Variants in SNX2 observed in about 807,000 individuals in gnomAD.
SNX2 encodes sorting nexin-2.
A neutral mutation model predicts 69.9 loss-of-function variants in SNX2; 25 were observed. That is an observed-to-expected ratio of 0.36 (90% CI 0.26 to 0.50). The LOEUF is 0.50. SNX2 is among the 20% of genes least tolerant of loss of function. The pLI is 0.97. For synonymous variants in SNX2, 229 were observed against 200.4 expected (o/e 1.14, Z -1.20); for missense variants, 551 against 613.3 (o/e 0.90, Z 1.07).
rs746637244 is a variant in SNX2 at position 122,795,374 on chromosome 5, C to A, written c.217C>A (p.Leu73Ile). The A allele has an allele frequency of 6.2e-7, 1 of 1,604,232 alleles. No individual in the cohort carries two copies. Among genetic ancestry groups the A allele is most frequent in the Non-Finnish European group, 8.5e-7 (1 of 1,171,736 alleles). ...EVVLDDDRED[L>I]FAEATEEVSL... ...TGTATTAGATGATGACAGAGAAGAT[C>A]TTTTTGCAGGTAATTGTCATGTATT... Residue 73 changes from leucine (L) to isoleucine (I), a missense_variant, in exon 2 of 15, where the codon CTT (leucine) becomes ATT (isoleucine). By Grantham distance (5) the Leu-to-Ile change is conservative. Transcript: ENST00000379516.
At chr5:122,799,637 A>G (rs1753462877) in intron 2 of SNX2, 55 bp from the exon 3 acceptor site, 1 of 1,287,116 alleles carries the variant, frequency 7.8e-7, no homozygotes, top group Non-Finnish European at 1.1e-6. Flanking sequence ...GCTATGTAGA[A>G]TATTGGGGGT....
At chr5:122,802,464 T>C (rs182764678) in intron 5 of SNX2, among the ~76,000 whole-genome samples, 129 of 152,286 alleles carry the variant, frequency 8.5e-4, no homozygotes, top group African/African-American at 3.0e-3. Flanking sequence ...CTTTCTAGAA[T>C]CTCCAAGAAG....
intron 1 of SNX2, among the ~76,000 whole-genome samples, chr5:122,787,522 C>T (rs60185942): frequency 6.8e-6 from 1 of 146,492 alleles, no homozygotes; most frequent in African/African-American, 2.5e-5. Context: ...TGTCCCCCCC[C>T]AAAAAAAAAA....
chr5:122,775,201 C>T lies in SNX2; in HGVS notation c.98C>T (p.Ser33Phe). Residue 33 changes from serine to phenylalanine, a missense_variant, in exon 1 of 15, where the codon TCC becomes TTC. Physicochemically the swap from Ser to Phe is radical, Grantham distance 155. Coordinates refer to ENST00000379516, the MANE Select transcript of SNX2 (RefSeq NM_003100.4). ...GAGGACCTGTTCACCAGCACTGTCT[C>T]CACCCTAGAGGTGAGACCGCGTCGC... ...DGEDLFTSTV[S>F]TLESSPSSPE... The T allele has an allele frequency of 1.3e-6, 2 of 1,578,804 alleles. No individual in the cohort carries two copies. Among genetic ancestry groups the T allele is most frequent in the Non-Finnish European group, 1.7e-6 (2 of 1,163,712 alleles).
intron 1 of SNX2, among the ~76,000 whole-genome samples, chr5:122,780,798 G>C (rs1011291687): frequency 2.0e-5 from 3 of 152,182 alleles, no homozygotes; most frequent in Non-Finnish European, 4.4e-5. Flanking sequence ...TCGAACTCCT[G>C]ACCTTGTGAT....
At position 122,778,591 on chromosome 5, in the gene SNX2, C is replaced by A. The variant is rs147945961; in HGVS notation, c.108+3380C>A. Among the ~76,000 whole-genome samples the A allele has an allele frequency of 5.0e-3, 763 of 152,268 alleles. 1 individual carries two copies. The highest frequency in any genetic ancestry group is 5.9e-3 in the Non-Finnish European group (404 of 68,008). On this transcript the variant is annotated intron_variant, in intron 1 of 14. Coordinates refer to ENST00000379516, the MANE Select transcript of SNX2 (RefSeq NM_003100.4). ...TGGTTTGATCTTGGCTCACTGCAGTCTCCACCTCCCAGGTTCAAGCAGTTC... is the reference window on the plus strand; with the variant it reads ...TGGTTTGATCTTGGCTCACTGCAGTATCCACCTCCCAGGTTCAAGCAGTTC...
rs2150021618 is a variant in SNX2, at chr5:122,834,530, A to C, written c.*4882A>C. 6.6e-6 allele frequency: 1 copy of C among 152,358 alleles called. No homozygotes were observed. Among genetic ancestry groups the C allele is most frequent in the East Asian group, 1.9e-4 (1 of 5,190 alleles). The allele number at this position is 152,358 out of a possible 1,614,324, so 9.4% of individuals were successfully genotyped here. Reference sequence around the variant, plus strand: ...AACTTTAATAAAAACTAAGTCAGACAAAATTTAACAAAACTAAATTGCCTT... The same window carrying C: ...AACTTTAATAAAAACTAAGTCAGACCAAATTTAACAAAACTAAATTGCCTT... On this transcript the variant is annotated 3_prime_UTR_variant, in exon 15 of 15. Coordinates refer to ENST00000379516, the MANE Select transcript of SNX2 (RefSeq NM_003100.4).
intron 7 of SNX2, among the ~76,000 whole-genome samples, chr5:122,813,818 G>T (rs559871208): frequency 3.6e-4 from 51 of 141,044 alleles, no homozygotes; most frequent in Admixed American, 1.7e-3. Flanking sequence ...CTGTCACCCA[G>T]GCTAGAGTGC....
intron 1 of SNX2, among the ~76,000 whole-genome samples, chr5:122,778,222 G>A (rs1359685112): frequency 2.0e-5 from 3 of 152,134 alleles, no homozygotes; most frequent in Non-Finnish European, 4.4e-5. Flanking sequence ...TCATTCATCT[G>A]TTGGTGGATA....
intron 14 of SNX2, 160 bp downstream of exon 14, chr5:122,827,806 G>C: frequency 1.8e-6 from 1 of 571,202 alleles, no homozygotes. Context: ...AAACTAATCG[G>C]AAACTATCTC....
At chr5:122,786,493 A>G (rs982294946) in intron 1 of SNX2, among the ~76,000 whole-genome samples, 1 of 151,982 alleles carries the variant, frequency 6.6e-6, no homozygotes, top group Non-Finnish European at 1.5e-5. Context: ...TTATATTTAA[A>G]TATATATTTT....
chr5:122,818,311 C>T (rs989109221), intron 10 of SNX2, among the ~76,000 whole-genome samples: 18 of 151,936 alleles, frequency 1.2e-4, no homozygotes, highest in African/African-American at 4.1e-4. Context: ...GATTGTTGTA[C>T]AACAAAGAAA....
Position 122,829,669 on chromosome 5 carries a change from A to G in SNX2, c.*21A>G, listed in dbSNP as rs780324597. 1.2e-6 allele frequency: 2 copies of G among 1,607,178 alleles called. No homozygotes were observed. The highest frequency in any genetic ancestry group is 2.7e-5 in the African/African-American group (2 of 74,778). ...CCTAGCAATAAGATTGTTGCCGTTA[A>G]GAAGACCTTGGATGTTGTTCCAGTT... On this transcript the variant is annotated 3_prime_UTR_variant, in exon 15 of 15. Transcript: ENST00000379516.
intron 6 of SNX2, among the ~76,000 whole-genome samples, chr5:122,806,315 A>G (rs550716910): frequency 6.6e-6 from 1 of 152,264 alleles, no homozygotes; most frequent in African/African-American, 2.4e-5. Flanking sequence ...GTCTTGAATA[A>G]TTATTAAAGG....
At chr5:122,793,782 A>G (rs12657773) in intron 1 of SNX2, among the ~76,000 whole-genome samples, 30,690 of 151,036 alleles carry the variant, frequency 0.2, 3,479 homozygotes, top group East Asian at 0.46. Context: ...GCGTGATGGC[A>G]GACACCTGTA....
rs1167807396 is a variant in SNX2, at chr5:122,833,669, T to C, written c.*4021T>C. On this transcript the variant is annotated 3_prime_UTR_variant, in exon 15 of 15. Transcript: ENST00000379516. The stretch of plus-strand genomic sequence containing the variant: ...AACTATTCAACTTGTTTTACATTTA[T>C]AAATCTCAAAATGCCTTTATTTCAT... The C allele has an allele frequency of 1.3e-5, 2 of 152,220 alleles. No individual in the cohort carries two copies. Among genetic ancestry groups the C allele is most frequent in the Non-Finnish European group, 1.5e-5 (1 of 68,030 alleles). The allele number at this position is 152,220 out of a possible 1,614,324, so 9.4% of individuals were successfully genotyped here.
rs1252484378 is a variant in SNX2, at chr5:122,775,228, GC to G, written c.108+18del. On this transcript the variant is annotated intron_variant, in intron 1 of 14. Transcript: ENST00000379516. ...ACCCTAGAGGTGAGACCGCGTCGCT[GC>G]GGGTGCTGCGCTGCGTAGCTGCCGC... The G allele has an allele frequency of 3.9e-6, 6 of 1,542,382 alleles. No individual in the cohort carries two copies. Among genetic ancestry groups the G allele is most frequent in the Non-Finnish European group, 4.4e-6 (5 of 1,141,550 alleles).
At chr5:122,818,339 GTTAA>G (rs1360529009) in intron 10 of SNX2, among the ~76,000 whole-genome samples, 1 of 152,106 alleles carries the variant, frequency 6.6e-6, no homozygotes, top group Admixed American at 6.5e-5. Context: ...TAAAATTTAT[GTTAA>G]TTGTGTATAT....
rs191346997 is a variant in SNX2, at chr5:122,821,839, A to G, written c.1212+2816A>G. 4.1e-3 allele frequency among the ~76,000 whole-genome samples: 623 copies of G among 152,318 alleles called. 15 individuals carry two copies. The highest frequency in any genetic ancestry group is 1.5e-3 in the Non-Finnish European group (99 of 68,028). ...GAATTATAGTCTAGTCTTTTAAAAA[A>G]TCAAGTGTTTTGATAACTCTTTGGA... On this transcript the variant is annotated intron_variant, in intron 11 of 14. Coordinates refer to ENST00000379516, the MANE Select transcript of SNX2 (RefSeq NM_003100.4).
Sources: gnomAD v4.1 joint callset for allele counts (sites outside exome capture counted in the v4.1 genomes callset) on GRCh38, gnomAD v4.1.1 for gene constraint, MANE v1.5 for transcripts, NCBI Gene and HGNC (gene_info 2026-07-23, HGNC 2026-07-21) for gene names.